MYH13: variants seen among roughly 807,000 people sequenced by gnomAD.
The protein encoded by MYH13 is myosin-13.
Under a neutral mutation model 232.1 loss-of-function variants are expected in MYH13, and 177 were observed. The ratio of observed to expected loss-of-function variants is 0.76; its 90% CI spans 0.67 to 0.86. MYH13 has a LOEUF of 0.86. Ranked by LOEUF, MYH13 falls within the 40% of genes least tolerant of loss-of-function variation. The pLI is 0.00. For synonymous variants in MYH13, 884 were observed against 923.5 expected (o/e 0.96, Z 0.78); for missense variants, 2,246 against 2,405.9 (o/e 0.93, Z 1.39).
chr17:10,345,075 A>G, intron 15 of MYH13, 127 bp downstream of exon 15: 7 of 1,422,880 alleles, frequency 4.9e-6, no homozygotes, highest in Non-Finnish European at 6.8e-6. Flanking sequence ...ATAGGCATTC[A>G]GTTATCTATC....
rs550850186 is a variant in MYH13 at position 10,367,420 on chromosome 17, C to G, written c.-12-2878G>C. Among the ~76,000 whole-genome samples the G allele has an allele frequency of 2.6e-5, 4 of 152,286 alleles. No homozygotes were observed. The East Asian group carries it at 7.7e-4, about 29-fold the overall frequency. ...CTAGAGTATAGTGGCGCAATCTCAG[C>G]TCACTGCAACCTCCACCTCCCGGGT... is the stretch of plus-strand genomic sequence containing the variant. On this transcript the variant is annotated intron_variant, in intron 2 of 40. Coordinates refer to ENST00000252172, the MANE Select transcript of MYH13 (RefSeq NM_003802.3).
At chr17:10,325,981 A>G (rs971889226) in intron 22 of MYH13, among the ~76,000 whole-genome samples, 3 of 152,268 alleles carry the variant, frequency 2.0e-5, no homozygotes, top group African/African-American at 7.2e-5. Context: ...GGCCCATATA[A>G]GAGTATTTTA....
In MYH13 at chr17:10,312,574, C is replaced by G. The variant is rs1189872936; in HGVS notation, c.4365G>C (p.Lys1455Asn). 1.9e-6 allele frequency: 3 copies of G among 1,611,068 alleles called. No individual in the cohort carries two copies. Among genetic ancestry groups the G allele is most frequent in the Non-Finnish European group, 2.5e-6 (3 of 1,178,626 alleles). The change falls in exon 31 of 41, where the codon AAG (lysine) becomes AAC (asparagine). Residue 1455 changes from lysine to asparagine, a missense_variant and splice_region_variant. Lys to Asn is a moderately conservative substitution (Grantham distance 94, BLOSUM62 0). Coordinates refer to ENST00000252172, the MANE Select transcript of MYH13 (RefSeq NM_003802.3). ...ACAAAGAAAGCGGCTGGGGAAGGACCTTGTCGAAGTTCCTCTGCTTCTTGT... is the reference window on the plus strand; with the variant it reads ...ACAAAGAAAGCGGCTGGGGAAGGACGTTGTCGAAGTTCCTCTGCTTCTTGT... The part of the protein sequence containing the change: ...TLDKKQRNFD[K>N]VLAEWKQKLD...
At chr17:10,327,121 C>T (rs966671237) in intron 22 of MYH13, among the ~76,000 whole-genome samples, 2 of 68,406 alleles carry the variant, frequency 2.9e-5, no homozygotes, top group East Asian at 7.4e-4. Flanking sequence ...CCTGCCTCAG[C>T]CTCCCAAGTA....
At chr17:10,364,917 C>A (rs1338381839) in intron 2 of MYH13, among the ~76,000 whole-genome samples, 1 of 151,958 alleles carries the variant, frequency 6.6e-6, no homozygotes, top group Admixed American at 6.5e-5. Context: ...CTCCTGTCAC[C>A]CAGGCTGGAG....
rs565523820 is a variant in MYH13 at position 10,363,041 on chromosome 17, C to G, written c.205-538G>C. Among the ~76,000 whole-genome samples the G allele has an allele frequency of 5.3e-5, 8 of 152,200 alleles. No individual in the cohort carries two copies. In the South Asian group the frequency reaches 1.7e-3, roughly 32 times the overall value. On this transcript the variant is annotated intron_variant, in intron 3 of 40. Coordinates refer to ENST00000252172, the MANE Select transcript of MYH13 (RefSeq NM_003802.3). ...TCCCATAATTATTTGTACCTCTGCTCTAATAGTTCAGACATTTGGGGGTGC... is the reference window on the plus strand; with the variant it reads ...TCCCATAATTATTTGTACCTCTGCTGTAATAGTTCAGACATTTGGGGGTGC...
intron 11 of MYH13, among the ~76,000 whole-genome samples, chr17:10,351,736 A>G (rs569599510): frequency 6.6e-6 from 1 of 152,176 alleles, no homozygotes; most frequent in Admixed American, 6.5e-5. Flanking sequence ...TTGGTTTTAT[A>G]ATCATGTTGC....
intron 27 of MYH13, among the ~76,000 whole-genome samples, chr17:10,316,590 T>A (rs1316136034): frequency 6.6e-6 from 1 of 152,240 alleles, no homozygotes; most frequent in Non-Finnish European, 1.5e-5. Context: ...TTTAAGTGGA[T>A]CTTTGGGATC....
intron 18 of MYH13, among the ~76,000 whole-genome samples, chr17:10,338,689 G>GTTTTTTTTTTTTTTTTTTTTTTTTTTTTT (rs757791680): frequency 9.2e-6 from 1 of 108,816 alleles, no homozygotes. Flanking sequence ...TTTTATCCTT[G>GTTTTTTTTTTTTTTTTTTTTTTTTTTTTT]TTTTTTTTTT....
chr17:10,344,743 C>A (rs111323608), intron 15 of MYH13, among the ~76,000 whole-genome samples: 16 of 150,216 alleles, frequency 1.1e-4, no homozygotes, highest in African/African-American at 3.7e-4. Context: ...ATCGCTTGAA[C>A]CTGGGAGGTG....
rs1306451282 is a variant in MYH13, at chr17:10,303,552, C to T, written c.5467-54G>A. ...CAAATCTCCTCTCCCAGGCTTCTCT[C>T]ATGGACTCATGGGCCAATCATTCTA... On this transcript the variant is annotated intron_variant, in intron 37 of 40. Transcript: ENST00000252172. The T allele has an allele frequency of 2.0e-6, 3 of 1,466,040 alleles. No individual in the cohort carries two copies. The African/African-American group carries it at 4.2e-5, about 20-fold the overall frequency. 90.8% of individuals were successfully genotyped at this position (1,466,040 alleles called of 1,614,324 possible). A position where few individuals can be genotyped will look rare whatever the true frequency, so the allele number is the denominator to read the frequency against.
rs1352091066 is a variant in MYH13 at position 10,309,690 on chromosome 17, C to G, written c.4797G>C (p.Glu1599Asp). 2 of 1,608,584 alleles carry G rather than the reference C, an allele frequency of 1.2e-6. No individual in the cohort carries two copies. Among genetic ancestry groups the G allele is most frequent in the African/African-American group, 1.3e-5 (1 of 74,888 alleles). Reference protein sequence around the residue: ...QLKRNSQRAAEALQSVLDAEI... With the variant: ...QLKRNSQRAADALQSVLDAEI... ...CAGCATCCAGCACGCTCTGCAGGGCCTCTGCTGCCCGCTGGCTGTTTCTTT... is the reference window on the plus strand; with the variant it reads ...CAGCATCCAGCACGCTCTGCAGGGCGTCTGCTGCCCGCTGGCTGTTTCTTT... Residue 1599 changes from glutamate to aspartate, a missense_variant, in exon 34 of 41, where the codon GAG (glutamate) becomes GAC (aspartate). Coordinates refer to ENST00000252172, the MANE Select transcript of MYH13 (RefSeq NM_003802.3).
chr17:10,346,015 A>C (rs542448457), intron 13 of MYH13, among the ~76,000 whole-genome samples: 1 of 131,506 alleles, frequency 7.6e-6, no homozygotes, highest in Admixed American at 7.7e-5. Flanking sequence ...AAAAAAAAAC[A>C]AAAGAAAAAA....
chr17:10,313,196 C>A lies in MYH13; in HGVS notation c.4143G>T (p.Thr1381=). The A allele has an allele frequency of 1.2e-6, 2 of 1,614,164 alleles. No homozygotes were observed. Among genetic ancestry groups the A allele is most frequent in the Non-Finnish European group, 1.7e-6 (2 of 1,180,030 alleles). ...GCTCCTCTGTGCGCTGAATGGCGTC[C>A]GTCTCGTATTTGGTCCTCCACTGGG... ...EVAQWRTKYE[T]DAIQRTEELE... is the part of the protein sequence containing the mutation. Residue 1381 remains threonine (T), a synonymous_variant, in exon 30 of 41, where the codon ACG becomes ACT. Coordinates refer to ENST00000252172, the MANE Select transcript of MYH13 (RefSeq NM_003802.3).
chr17:10,312,748 C>T lies in MYH13; in HGVS notation c.4191G>A (p.Leu1397=), dbSNP rs762825427. The change falls in exon 31 of 41, where the codon CTG becomes CTA. Residue 1397 remains leucine (L), a synonymous_variant. Coordinates refer to ENST00000252172, the MANE Select transcript of MYH13 (RefSeq NM_003802.3). ...CCTCTGCTTCCTGGAGCCTCTGGGCCAGTTTTTTCCTACGAAAACCAGATT... is the reference window on the plus strand; with the variant it reads ...CCTCTGCTTCCTGGAGCCTCTGGGCTAGTTTTTTCCTACGAAAACCAGATT... The part of the protein sequence containing the change: ...TEELEEAKKK[L]AQRLQEAEEN... The T allele has an allele frequency of 6.2e-7, 1 of 1,604,834 alleles. No individual in the cohort carries two copies. Among genetic ancestry groups the T allele is most frequent in the Non-Finnish European group, 8.5e-7 (1 of 1,177,294 alleles).
chr17:10,322,188 C>G (rs966609621), intron 23 of MYH13, among the ~76,000 whole-genome samples: 2 of 151,724 alleles, frequency 1.3e-5, no homozygotes, highest in Admixed American at 6.6e-5. Flanking sequence ...GTCAGGAGAT[C>G]GAGACCATCC....
At chr17:10,305,748 G>C (rs868781828) in intron 37 of MYH13, among the ~76,000 whole-genome samples, 1 of 152,268 alleles carries the variant, frequency 6.6e-6, no homozygotes, top group Middle Eastern at 3.4e-3. Context: ...AAAAGCAAGG[G>C]AGACAGGAAA....
At chr17:10,331,137 C>T (rs1331526117) in intron 20 of MYH13, among the ~76,000 whole-genome samples, 2 of 152,120 alleles carry the variant, frequency 1.3e-5, no homozygotes, top group African/African-American at 4.8e-5. Context: ...AAGATGAGTC[C>T]AGAAAGAAAC....
intron 23 of MYH13, 127 bp from the exon 24 acceptor site, chr17:10,321,835 T>A (rs1008477407): frequency 1.3e-6 from 1 of 774,194 alleles, no homozygotes; most frequent in African/African-American, 1.8e-5. Flanking sequence ...CTTTTTTACC[T>A]CCTAGAATTG....
Sources: gnomAD v4.1 joint callset for allele counts (sites outside exome capture counted in the v4.1 genomes callset) on GRCh38, gnomAD v4.1.1 for gene constraint, MANE v1.5 for transcripts, NCBI Gene and HGNC (gene_info 2026-07-23, HGNC 2026-07-21) for gene names.